L3MBTL4: variants seen among roughly 807,000 people sequenced by gnomAD.
The protein encoded by L3MBTL4 is L3MBTL histone methyl-lysine binding protein 4.
Under a neutral mutation model 84.5 loss-of-function variants are expected in L3MBTL4, and 70 were observed. The ratio of observed to expected loss-of-function variants is 0.83; its 90% CI spans 0.68 to 1.01. The LOEUF (loss-of-function observed/expected upper bound fraction) is 1.01. L3MBTL4 is among the 50% of genes least tolerant of loss of function. The probability of loss-of-function intolerance (pLI) is 0.00; values close to 1 mark genes in which losing one functional copy is unlikely to be tolerated. For missense variants in L3MBTL4, 715 were observed against 754.8 expected (o/e 0.95, Z 0.62); for synonymous variants, 274 against 259.8 (o/e 1.05, Z -0.52).
In L3MBTL4 at chr18:6,324,982, C is replaced by T. The variant is rs141657104; in HGVS notation, c.-90-12926G>A. 4.1e-3 allele frequency among the ~76,000 whole-genome samples: 623 copies of T among 152,052 alleles called. 21 individuals carry two copies. Among genetic ancestry groups the T allele is most frequent in the Admixed American group, 0.035 (534 of 15,272 alleles). On this transcript the variant is annotated intron_variant, in intron 1 of 18. Coordinates refer to ENST00000317931, the MANE Select transcript of L3MBTL4 (RefSeq NM_001330559.2). ...TACCAATGCATCCCCACTAGAATGA[C>T]AAAAATTAAGAAGTCTGTCACTACT...
At chr18:6,203,643 G>A (rs866036828) in intron 12 of L3MBTL4, among the ~76,000 whole-genome samples, 109 of 152,274 alleles carry the variant, frequency 7.2e-4, no homozygotes, top group African/African-American at 2.5e-3. Flanking sequence ...AGAACAGCCA[G>A]TCCCTCCTGC....
chr18:6,216,141 C>A (rs967329118), intron 10 of L3MBTL4, among the ~76,000 whole-genome samples: 5 of 152,116 alleles, frequency 3.3e-5, no homozygotes, highest in Non-Finnish European at 7.4e-5. Context: ...GTTTCTGACT[C>A]CCAAGCTCCA....
At chr18:6,304,745 C>T (rs1307794199) in intron 3 of L3MBTL4, among the ~76,000 whole-genome samples, 2 of 152,200 alleles carry the variant, frequency 1.3e-5, no homozygotes, top group African/African-American at 2.4e-5. Flanking sequence ...TGTTCATTCA[C>T]TCAATACACA....
intron 12 of L3MBTL4, among the ~76,000 whole-genome samples, chr18:6,172,320 AAG>A (rs1379295799): frequency 1.3e-5 from 2 of 152,190 alleles, no homozygotes; most frequent in African/African-American, 4.8e-5. Flanking sequence ...CATCAACAGT[AAG>A]AGTCACCAAC....
intron 16 of L3MBTL4, among the ~76,000 whole-genome samples, chr18:6,063,537 T>C (rs1042136186): frequency 6.6e-6 from 1 of 151,952 alleles, no homozygotes; most frequent in Non-Finnish European, 1.5e-5. Flanking sequence ...TATTGTTTTT[T>C]TGACTTTTTA....
intron 16 of L3MBTL4, among the ~76,000 whole-genome samples, chr18:5,979,155 C>A (rs186103532): frequency 6.6e-6 from 1 of 152,188 alleles, no homozygotes; most frequent in South Asian, 2.1e-4. Flanking sequence ...TCTGTCCATG[C>A]TATGAATGAA....
At chr18:6,266,416 T>C (rs1462681275) in intron 4 of L3MBTL4, among the ~76,000 whole-genome samples, 2 of 152,168 alleles carry the variant, frequency 1.3e-5, no homozygotes, top group South Asian at 2.1e-4. Flanking sequence ...AAACGCTGAG[T>C]CCTAATTTTA....
intron 3 of L3MBTL4, among the ~76,000 whole-genome samples, chr18:6,305,053 C>T (rs1361478193): frequency 6.6e-6 from 1 of 152,222 alleles, no homozygotes; most frequent in Non-Finnish European, 1.5e-5. Context: ...AAGCTTCCAA[C>T]ATCTGTACGT....
chr18:6,394,636 G>A (rs1469971524), intron 1 of L3MBTL4, among the ~76,000 whole-genome samples: 21 of 151,638 alleles, frequency 1.4e-4, no homozygotes, highest in Admixed American at 7.9e-4. Context: ...CCTGACACAC[G>A]CCAGGCACCC....
chr18:6,375,773 G>A (rs2054341689), intron 1 of L3MBTL4, among the ~76,000 whole-genome samples: 1 of 152,150 alleles, frequency 6.6e-6, no homozygotes, highest in Admixed American at 6.5e-5. Flanking sequence ...ATAGGACCTG[G>A]TGACAGAACA....
intron 16 of L3MBTL4, among the ~76,000 whole-genome samples, chr18:6,019,264 A>G (rs895906753): frequency 6.6e-6 from 1 of 152,212 alleles, no homozygotes; most frequent in Non-Finnish European, 1.5e-5. Context: ...CAGAGCTAGT[A>G]AGTTACTCTA....
intron 15 of L3MBTL4, among the ~76,000 whole-genome samples, chr18:6,084,374 C>T (rs1169460305): frequency 1.3e-5 from 2 of 151,912 alleles, no homozygotes; most frequent in Non-Finnish European, 2.9e-5. Context: ...ATTTACCATC[C>T]GGCTCTTTAC....
chr18:6,211,850 T>A (rs996963104), intron 12 of L3MBTL4, among the ~76,000 whole-genome samples: 2 of 152,192 alleles, frequency 1.3e-5, no homozygotes, highest in Non-Finnish European at 2.9e-5. Context: ...AGTTTCACTA[T>A]GTTGGCCAGG....
intron 12 of L3MBTL4, among the ~76,000 whole-genome samples, chr18:6,175,175 C>CA (rs1367117575): frequency 1.3e-5 from 2 of 152,092 alleles, no homozygotes; most frequent in Non-Finnish European, 2.9e-5. Flanking sequence ...ACCCTGAAAG[C>CA]AACCGGACAC....
At chr18:6,261,794 G>A (rs1447672259) in intron 5 of L3MBTL4, among the ~76,000 whole-genome samples, 3 of 152,200 alleles carry the variant, frequency 2.0e-5, no homozygotes, top group African/African-American at 7.2e-5. Flanking sequence ...AAGGATCTCA[G>A]AGAAGAAGCT....
At chr18:6,383,886 G>T (rs1328602674) in intron 1 of L3MBTL4, among the ~76,000 whole-genome samples, 2 of 152,198 alleles carry the variant, frequency 1.3e-5, no homozygotes, top group African/African-American at 2.4e-5. Context: ...AAACCTGTGA[G>T]TAAGACTTTA....
chr18:6,096,694 G>T lies in L3MBTL4; in HGVS notation c.1200-3166C>A, dbSNP rs181508871. Among the ~76,000 whole-genome samples, 10 of 152,266 alleles carry T rather than the reference G, an allele frequency of 6.6e-5. 1 individual carries two copies. The highest frequency in any genetic ancestry group is 6.5e-4 in the Admixed American group (10 of 15,298). On this transcript the variant is annotated intron_variant, in intron 14 of 18. Transcript: ENST00000317931. ...AAAGAAGACTGAAGTGGACAGGCTA[G>T]GTATGATAAAACCACTTTTGAAAGC... is the stretch of plus-strand genomic sequence containing the variant.
At chr18:6,099,128 G>A (rs1036169628) in intron 14 of L3MBTL4, among the ~76,000 whole-genome samples, 4 of 152,090 alleles carry the variant, frequency 2.6e-5, no homozygotes, top group East Asian at 1.9e-4. Flanking sequence ...ACCACCTCCC[G>A]CCCCGGGAAA....
chr18:6,165,828 CA>C (rs1165654528), intron 13 of L3MBTL4, among the ~76,000 whole-genome samples: 1 of 152,144 alleles, frequency 6.6e-6, no homozygotes, highest in African/African-American at 2.4e-5. Context: ...TCACATATAA[CA>C]ATATTAACCT....
Sources: gnomAD v4.1 joint callset for allele counts (sites outside exome capture counted in the v4.1 genomes callset) on GRCh38, gnomAD v4.1.1 for gene constraint, MANE v1.5 for transcripts, NCBI Gene and HGNC (gene_info 2026-07-23, HGNC 2026-07-21) for gene names.